Variants in ACAP2 observed in about 807,000 individuals in gnomAD.
The protein encoded by ACAP2 is arf-GAP with coiled-coil, ANK repeat and PH domain-containing protein 2.
In ACAP2, 39 loss-of-function variants were observed where a neutral mutation model predicts 115.8. That is an observed-to-expected ratio of 0.34 (90% confidence interval 0.26 to 0.44). The LOEUF (loss-of-function observed/expected upper bound fraction) is 0.44, where lower values mean the gene tolerates loss of function less well. Ranked by LOEUF, ACAP2 falls within the 20% of genes least tolerant of loss-of-function variation. The pLI, the probability that ACAP2 is intolerant of heterozygous loss-of-function variation, is 1.00. For missense variants in ACAP2, 662 were observed against 927.6 expected (o/e 0.71, Z 3.72); for synonymous variants, 289 against 315.8 (o/e 0.92, Z 0.90).
At chr3:195,432,402 G>A (rs754789680) in intron 1 of ACAP2, among the ~76,000 whole-genome samples, 5 of 152,116 alleles carry the variant, frequency 3.3e-5, no homozygotes, top group African/African-American at 4.8e-5. Context: ...ATACTTTCAC[G>A]TGTGGATATT....
At chr3:195,429,499 AATCT>A (rs139819269) in intron 1 of ACAP2, among the ~76,000 whole-genome samples, 35 of 152,270 alleles carry the variant, frequency 2.3e-4, no homozygotes, top group African/African-American at 7.9e-4. Context: ...AAACCATAAG[AATCT>A]ATTTATAATG....
chr3:195,284,798 A>G (rs1726735047), intron 22 of ACAP2, among the ~76,000 whole-genome samples: 1 of 152,236 alleles, frequency 6.6e-6, no homozygotes, highest in Non-Finnish European at 1.5e-5. Flanking sequence ...CAAGTATTTT[A>G]GTCACGAATT....
Position 195,339,565 on chromosome 3 carries a change from A to G in ACAP2, c.529-2589T>C, listed in dbSNP as rs569838691. Among the ~76,000 whole-genome samples, 22 of 151,694 alleles carry G rather than the reference A, an allele frequency of 1.5e-4. No homozygotes were observed. The East Asian group carries it at 4.3e-3, about 29-fold the overall frequency. ...AAAAGTAAACTCAAATATTTAGAGT[A>G]GTTAAAAGCAAGACAAACTTTATAC... On this transcript the variant is annotated intron_variant, in intron 6 of 22. Coordinates refer to ENST00000326793, the MANE Select transcript of ACAP2 (RefSeq NM_012287.6).
rs1007613843 is a variant in ACAP2 at position 195,393,209 on chromosome 3, G to A, written c.54-1062C>T. On this transcript the variant is annotated intron_variant, in intron 1 of 22. Coordinates refer to ENST00000326793, the MANE Select transcript of ACAP2 (RefSeq NM_012287.6). ...AGATGAGCCAGGCGTGGTGGCTCAC[G>A]CCTGTAGTCCCAGCTACTCAGGAGG... Among the ~76,000 whole-genome samples, 5 of 152,254 alleles carry A rather than the reference G, an allele frequency of 3.3e-5. No homozygotes were observed. The South Asian group carries it at 6.2e-4, about 19-fold the overall frequency.
chr3:195,370,058 T>C (rs763459323), intron 4 of ACAP2, among the ~76,000 whole-genome samples: 1 of 152,238 alleles, frequency 6.6e-6, no homozygotes, highest in Non-Finnish European at 1.5e-5. Flanking sequence ...ATGTCTTCTT[T>C]TGAAGTGTCT....
chr3:195,440,656 T>TTTG (rs1715922241), intron 1 of ACAP2, among the ~76,000 whole-genome samples: 1 of 152,230 alleles, frequency 6.6e-6, no homozygotes, highest in South Asian at 2.1e-4. Flanking sequence ...CTCTCAAAAG[T>TTTG]AAAGCTCTTC....
At chr3:195,355,011 G>A (rs1731861506) in intron 4 of ACAP2, among the ~76,000 whole-genome samples, 1 of 152,118 alleles carries the variant, frequency 6.6e-6, no homozygotes, top group Admixed American at 6.5e-5. Flanking sequence ...CTACAGGCAT[G>A]TGCCACCATG....
At chr3:195,348,178 T>A (rs1410161966) in intron 4 of ACAP2, among the ~76,000 whole-genome samples, 2 of 151,954 alleles carry the variant, frequency 1.3e-5, no homozygotes, top group Non-Finnish European at 2.9e-5. Context: ...TGAATAGATA[T>A]GTGATAAAGC....
intron 10 of ACAP2, among the ~76,000 whole-genome samples, chr3:195,317,879 G>A (rs529358086): frequency 6.6e-6 from 1 of 151,926 alleles, no homozygotes; most frequent in Non-Finnish European, 1.5e-5. Flanking sequence ...TGTTCACAAA[G>A]GGCAGGAAAA....
intron 4 of ACAP2, among the ~76,000 whole-genome samples, chr3:195,351,835 T>C (rs1731632301): frequency 1.3e-5 from 2 of 152,268 alleles, no homozygotes; most frequent in Admixed American, 1.3e-4. Context: ...AGAAACAAAA[T>C]GCTCAACATC....
intron 1 of ACAP2, among the ~76,000 whole-genome samples, chr3:195,436,780 G>A (rs62288442): frequency 0.24 from 36,359 of 151,942 alleles, 5,054 homozygotes; most frequent in East Asian, 0.71. Context: ...CAAAAGGGAT[G>A]TGCGATTCAT....
chr3:195,356,179 TGC>T (rs369683141), intron 4 of ACAP2: 372 of 456,738 alleles, frequency 8.1e-4, no homozygotes, highest in Non-Finnish European at 1.3e-3. Flanking sequence ...AGGAAGAATC[TGC>T]GCTGCACACG....
intron 6 of ACAP2, among the ~76,000 whole-genome samples, chr3:195,339,890 T>A (rs1430655299): frequency 6.6e-6 from 1 of 152,006 alleles, no homozygotes; most frequent in East Asian, 1.9e-4. Flanking sequence ...ACCACTGGAC[T>A]AGAGGCTAGG....
chr3:195,424,615 TA>T (rs1714519373), intron 1 of ACAP2, among the ~76,000 whole-genome samples: 1 of 151,752 alleles, frequency 6.6e-6, no homozygotes, highest in Admixed American at 6.6e-5. Context: ...GACTACTTTT[TA>T]GTCAACTAAA....
intron 1 of ACAP2, among the ~76,000 whole-genome samples, chr3:195,423,657 A>G (rs2108839038): frequency 6.6e-6 from 1 of 150,874 alleles, no homozygotes; most frequent in East Asian, 1.9e-4. Flanking sequence ...TAACTATTTT[A>G]AGTTTTGCAG....
rs754699772 is a variant in ACAP2 at position 195,289,102 on chromosome 3, G to C, written c.2174+19C>G. On this transcript the variant is annotated intron_variant, in intron 21 of 22. Coordinates refer to ENST00000326793, the MANE Select transcript of ACAP2 (RefSeq NM_012287.6). ...TAATTCACTGTATGGAAATAGTCAA[G>C]TAAAAAGGAAGTACTTACAAGGTGA... 7.6e-6 allele frequency: 12 copies of C among 1,582,648 alleles called. No homozygotes were observed. The highest frequency in any genetic ancestry group is 9.5e-6 in the Non-Finnish European group (11 of 1,159,368).
intron 1 of ACAP2, among the ~76,000 whole-genome samples, chr3:195,427,451 T>C (rs1277956660): frequency 3.3e-5 from 5 of 152,148 alleles, no homozygotes; most frequent in Non-Finnish European, 5.9e-5. Context: ...AGATGACTTC[T>C]TCACTGGGCA....
intron 4 of ACAP2, among the ~76,000 whole-genome samples, chr3:195,352,327 C>A (rs1216286835): frequency 6.6e-6 from 1 of 152,210 alleles, no homozygotes; most frequent in Non-Finnish European, 1.5e-5. Flanking sequence ...ATGAAGAAAT[C>A]ACCTAACAAC....
chr3:195,281,221 C>T (rs1158619418), intron 22 of ACAP2, among the ~76,000 whole-genome samples: 4 of 151,926 alleles, frequency 2.6e-5, no homozygotes, highest in East Asian at 1.9e-4. Flanking sequence ...CTGGCTAACA[C>T]GGTGAAACCC....
Sources: gnomAD v4.1 joint callset for allele counts (sites outside exome capture counted in the v4.1 genomes callset) on GRCh38, gnomAD v4.1.1 for gene constraint, MANE v1.5 for transcripts, NCBI Gene and HGNC (gene_info 2026-07-23, HGNC 2026-07-21) for gene names.